Variants in EPS15 observed in about 807,000 individuals in gnomAD.
EPS15 encodes epidermal growth factor receptor pathway substrate 15, also known as epidermal growth factor receptor substrate 15.
Under a neutral mutation model 113.8 loss-of-function variants are expected in EPS15, and 72 were observed. That is an observed-to-expected ratio of 0.63 (90% confidence interval 0.52 to 0.77). The LOEUF (loss-of-function observed/expected upper bound fraction) is 0.77. Ranked by LOEUF, EPS15 falls within the 30% of genes least tolerant of loss-of-function variation. EPS15 has a pLI of 0.00. For synonymous variants in EPS15, 344 were observed against 363.4 expected, an observed-to-expected ratio of 0.95 and a Z score of 0.61; for missense variants, 1,048 against 1,045.8, an observed-to-expected ratio of 1.00 and a Z score of -0.03.
At chr1:51,448,580 C>A (rs1653268063) in intron 8 of EPS15, among the ~76,000 whole-genome samples, 1 of 152,038 alleles carries the variant, frequency 6.6e-6, no homozygotes, top group Admixed American at 6.6e-5. Context: ...AAAAAAAATG[C>A]CCAATCTCAG....
At chr1:51,422,078 G>A (rs189015589) in intron 12 of EPS15, 1 of 1,202,994 alleles carries the variant, frequency 8.3e-7, no homozygotes, top group Non-Finnish European at 1.1e-6. Flanking sequence ...CTAAAATGTG[G>A]TGAAAAGAGG....
intron 12 of EPS15, among the ~76,000 whole-genome samples, chr1:51,434,742 G>A (rs1652005306): frequency 1.3e-5 from 2 of 152,154 alleles, no homozygotes; most frequent in South Asian, 4.1e-4. Flanking sequence ...CGTAATCTCG[G>A]CTCACCGTAA....
In EPS15 at chr1:51,394,393, C is replaced by T. The variant is rs772200680; in HGVS notation, c.2107G>A (p.Ala703Thr). ...ATTATTTATTTACCTGAATCGCTTG[C>T]TGCAACAACTGTTCCACCAGGAGCA... ...PFAPGGTVVAASDSATDPFAS... is the reference protein window; with the variant it reads ...PFAPGGTVVATSDSATDPFAS... The change falls in exon 21 of 25, where the codon GCA (alanine) becomes ACA (threonine). Residue 703 changes from alanine (A) to threonine (T), a missense_variant. Transcript: ENST00000371733. 2.5e-6 allele frequency: 4 copies of T among 1,597,270 alleles called. No homozygotes were observed. The South Asian group carries it at 3.4e-5, about 14-fold the overall frequency.
At chr1:51,506,048 G>A (rs781569820) in intron 1 of EPS15, among the ~76,000 whole-genome samples, 1 of 151,946 alleles carries the variant, frequency 6.6e-6, no homozygotes, top group Non-Finnish European at 1.5e-5. Flanking sequence ...CACCACACCC[G>A]GCTGATTTTT....
chr1:51,490,945 T>C (rs1354548650), intron 1 of EPS15, among the ~76,000 whole-genome samples: 1 of 152,212 alleles, frequency 6.6e-6, no homozygotes, highest in East Asian at 1.9e-4. Flanking sequence ...ATGTTACAAT[T>C]AGGGAAAATT....
chr1:51,461,251 G>A, intron 7 of EPS15, 101 bp from the exon 8 acceptor site: 1 of 791,098 alleles, frequency 1.3e-6, no homozygotes, highest in Non-Finnish European at 2.2e-6. Flanking sequence ...GGTGGCTCAT[G>A]CCCATATGGC....
chr1:51,444,788 A>C, intron 11 of EPS15, 101 bp downstream of exon 11: 2 of 1,185,812 alleles, frequency 1.7e-6, no homozygotes, highest in Non-Finnish European at 2.4e-6. Context: ...TCTTAGCCAG[A>C]TACATTTTCT....
At chr1:51,472,689 G>C (rs1339800520) in intron 3 of EPS15, among the ~76,000 whole-genome samples, 170 bp downstream of exon 3, 1 of 152,160 alleles carries the variant, frequency 6.6e-6, no homozygotes, top group African/African-American at 2.4e-5. Context: ...CTTTTCAAGA[G>C]GGTAAATCAC....
intron 21 of EPS15, among the ~76,000 whole-genome samples, chr1:51,385,455 G>C (rs1557786516): frequency 5.3e-5 from 8 of 152,146 alleles, no homozygotes; most frequent in Non-Finnish European, 1.5e-5. Context: ...TGAATTGTTG[G>C]CTGGTGTATA....
chr1:51,493,997 C>T (rs1644286653), intron 1 of EPS15, among the ~76,000 whole-genome samples: 1 of 152,120 alleles, frequency 6.6e-6, no homozygotes, highest in East Asian at 1.9e-4. Flanking sequence ...ACCTCATTTA[C>T]CTAAGGCTTT....
Position 51,446,962 on chromosome 1 carries a change from T to C in EPS15, c.795A>G (p.Ile265Met). 2 of 1,604,020 alleles carry C rather than the reference T, an allele frequency of 1.2e-6. No individual in the cohort carries two copies. The highest frequency in any genetic ancestry group is 1.7e-6 in the Non-Finnish European group (2 of 1,175,482). The stretch of plus-strand genomic sequence containing the variant: ...AATCAATTCAAATAAAGTCTTACCA[T>C]ATATGGGCTAGTAAGGTAGAAGGTA... Reference protein sequence around the residue: ...TGLPSTLLAHIWSLCDTKDCG... With the variant: ...TGLPSTLLAHMWSLCDTKDCG... Residue 265 changes from isoleucine to methionine, a missense_variant and splice_region_variant, in exon 10 of 25, where the codon ATA becomes ATG. Physicochemically the swap from Ile to Met is conservative, Grantham distance 10 (BLOSUM62 1). Coordinates refer to ENST00000371733, the MANE Select transcript of EPS15 (RefSeq NM_001981.3).
intron 2 of EPS15, among the ~76,000 whole-genome samples, chr1:51,475,630 G>A (rs1203860206): frequency 6.6e-6 from 1 of 152,134 alleles, no homozygotes. Context: ...CCTGTAGGTT[G>A]CCTGTTCACT....
intron 1 of EPS15, among the ~76,000 whole-genome samples, chr1:51,501,814 G>C (rs1431896173): frequency 6.6e-6 from 1 of 152,114 alleles, no homozygotes. Flanking sequence ...CATTTACCAT[G>C]CAAAAGGCTA....
chr1:51,391,574 C>G (rs753662102), intron 21 of EPS15, among the ~76,000 whole-genome samples: 13 of 152,104 alleles, frequency 8.5e-5, no homozygotes, highest in Non-Finnish European at 1.9e-4. Context: ...ACAGCTAGTG[C>G]AAAGGGCCAA....
intron 13 of EPS15, among the ~76,000 whole-genome samples, chr1:51,411,151 T>C (rs1248004580): frequency 1.3e-5 from 2 of 152,214 alleles, no homozygotes; most frequent in Admixed American, 6.5e-5. Flanking sequence ...TGTGATTAAA[T>C]AGAACACTGA....
intron 2 of EPS15, among the ~76,000 whole-genome samples, chr1:51,473,786 AC>A (rs1655410117): frequency 6.6e-6 from 1 of 152,212 alleles, no homozygotes; most frequent in South Asian, 2.1e-4. Context: ...CATATACTGT[AC>A]AAAGCATTCT....
At chr1:51,507,666 A>T (rs1424848016) in intron 1 of EPS15, among the ~76,000 whole-genome samples, 3 of 152,072 alleles carry the variant, frequency 2.0e-5, no homozygotes, top group Non-Finnish European at 2.9e-5. Context: ...ATCTCAGAAA[A>T]AAAAAAAGGA....
intron 12 of EPS15, chr1:51,422,156 G>T: frequency 3.1e-6 from 2 of 649,544 alleles, no homozygotes; most frequent in Non-Finnish European, 4.1e-6. Flanking sequence ...TGTCACTGTT[G>T]CTATGGAAAT....
intron 1 of EPS15, among the ~76,000 whole-genome samples, chr1:51,484,936 T>C (rs1438974672): frequency 1.3e-5 from 2 of 152,256 alleles, no homozygotes; most frequent in Non-Finnish European, 2.9e-5. Flanking sequence ...TGTCATTTAT[T>C]GTATTGTACA....
Sources: gnomAD v4.1 joint callset for allele counts (sites outside exome capture counted in the v4.1 genomes callset) on GRCh38, gnomAD v4.1.1 for gene constraint, MANE v1.5 for transcripts, NCBI Gene and HGNC (gene_info 2026-07-23, HGNC 2026-07-21) for gene names.